Variants in UTRN observed in about 807,000 individuals in gnomAD.
UTRN encodes the protein dystrophin-related protein 1.
In UTRN, 283 loss-of-function variants were observed where a neutral mutation model predicts 463.9. The ratio of observed to expected loss-of-function variants is 0.61; its 90% CI spans 0.55 to 0.67. The LOEUF is 0.67. Ranked by LOEUF, UTRN falls within the 30% of genes least tolerant of loss-of-function variation. The probability of loss-of-function intolerance (pLI) is 0.00; values close to 1 mark genes in which losing one functional copy is unlikely to be tolerated. For missense variants in UTRN, 3,922 were observed against 4,084.3 expected, an observed-to-expected ratio of 0.96 and a Z score of 1.08; for synonymous variants, 1,442 against 1,431.5, an observed-to-expected ratio of 1.01 and a Z score of -0.17.
chr6:144,434,668 A>G (rs1217098913), intron 9 of UTRN, among the ~76,000 whole-genome samples: 1 of 152,208 alleles, frequency 6.6e-6, no homozygotes, highest in East Asian at 1.9e-4. Flanking sequence ...ATAGGAGTAG[A>G]TGAGATTACT....
chr6:144,358,882 T>C (rs1223027675), intron 2 of UTRN, among the ~76,000 whole-genome samples: 1 of 152,232 alleles, frequency 6.6e-6, no homozygotes, highest in Non-Finnish European at 1.5e-5. Flanking sequence ...TATTTTCCCA[T>C]CTAGTCTTTA....
intron 58 of UTRN, among the ~76,000 whole-genome samples, chr6:144,765,230 C>A (rs1793161442): frequency 6.6e-6 from 1 of 152,204 alleles, no homozygotes; most frequent in African/African-American, 2.4e-5. Context: ...ATCATTAATT[C>A]TACTACTTTA....
chr6:144,645,844 G>A (rs533586788), intron 51 of UTRN, among the ~76,000 whole-genome samples: 13 of 152,152 alleles, frequency 8.5e-5, no homozygotes, highest in Non-Finnish European at 1.8e-4. Flanking sequence ...TTGGCTGCTT[G>A]TAATGGGAGT....
chr6:144,507,030 T>C (rs1562500046), intron 34 of UTRN, among the ~76,000 whole-genome samples: 1 of 152,072 alleles, frequency 6.6e-6, no homozygotes, highest in Non-Finnish European at 1.5e-5. Flanking sequence ...CAATCTCTGA[T>C]ATGCTTTCTT....
At chr6:144,583,335 C>T in intron 51 of UTRN, 1 of 442,558 alleles carries the variant, frequency 2.3e-6, no homozygotes. Flanking sequence ...TACCAGCCTC[C>T]TTTTTCCTAG....
chr6:144,658,043 CTTCACCACAG>C (rs1779507720), intron 51 of UTRN, among the ~76,000 whole-genome samples: 1 of 152,160 alleles, frequency 6.6e-6, no homozygotes, highest in Admixed American at 6.5e-5. Flanking sequence ...CTGTAAGTTT[CTTCACCACAG>C]TTCTGATGGT....
intron 65 of UTRN, among the ~76,000 whole-genome samples, chr6:144,808,304 T>C (rs1778323666): frequency 6.6e-6 from 1 of 152,040 alleles, no homozygotes; most frequent in Non-Finnish European, 1.5e-5. Flanking sequence ...TATCCATGCA[T>C]TAAACCTTTG....
chr6:144,337,862 G>A (rs1340065259), intron 2 of UTRN, among the ~76,000 whole-genome samples: 1 of 152,152 alleles, frequency 6.6e-6, no homozygotes, highest in African/African-American at 2.4e-5. Flanking sequence ...TGATCCACCC[G>A]CCTCAGCTTC....
rs140489242 is a variant in UTRN, at chr6:144,521,253, T to G, written c.5542-727T>G. Among the ~76,000 whole-genome samples, 1,408 of 151,828 alleles carry G rather than the reference T, an allele frequency of 9.3e-3. 11 individuals are homozygous for G. The highest frequency in any genetic ancestry group is 0.048 in the Middle Eastern group (14 of 294). Reference sequence around the variant, plus strand: ...GTGAGCCGAGATCACAGCACTGCACTCCAGCCTGGGAGGCAGAGCAACACT... The same window carrying G: ...GTGAGCCGAGATCACAGCACTGCACGCCAGCCTGGGAGGCAGAGCAACACT... On this transcript the variant is annotated intron_variant, in intron 39 of 74. Coordinates refer to ENST00000367545, the MANE Select transcript of UTRN (RefSeq NM_007124.3).
At chr6:144,725,392 G>A (rs2128711498) in intron 53 of UTRN, among the ~76,000 whole-genome samples, 1 of 152,274 alleles carries the variant, frequency 6.6e-6, no homozygotes, top group Admixed American at 6.5e-5. Flanking sequence ...ACTAATACAG[G>A]TTGCAATTTT....
At chr6:144,293,578 AG>A (rs1384301317) in intron 2 of UTRN, among the ~76,000 whole-genome samples, 1 of 152,156 alleles carries the variant, frequency 6.6e-6, no homozygotes, top group African/African-American at 2.4e-5. Context: ...GGTACACTCA[AG>A]AAATTGATCA....
At chr6:144,433,219 T>C (rs1215902120) in intron 9 of UTRN, among the ~76,000 whole-genome samples, 1 of 151,212 alleles carries the variant, frequency 6.6e-6, no homozygotes, top group Non-Finnish European at 1.5e-5. Flanking sequence ...CCAGACGGGG[T>C]GGTGGCCGGG....
chr6:144,677,994 A>G (rs1781818772), intron 51 of UTRN, among the ~76,000 whole-genome samples: 2 of 152,110 alleles, frequency 1.3e-5, no homozygotes, highest in African/African-American at 4.8e-5. Flanking sequence ...GATTCTGGAT[A>G]TTAGCTCTTT....
chr6:144,623,909 A>G (rs545949701), intron 51 of UTRN, among the ~76,000 whole-genome samples: 8 of 152,302 alleles, frequency 5.3e-5, no homozygotes, highest in South Asian at 2.1e-4. Flanking sequence ...AGATAAAACT[A>G]TATCTCTGGG....
At chr6:144,332,393 G>A (rs1182253234) in intron 2 of UTRN, among the ~76,000 whole-genome samples, 1 of 152,178 alleles carries the variant, frequency 6.6e-6, no homozygotes, top group African/African-American at 2.4e-5. Flanking sequence ...AAAAGGCGGA[G>A]TCACTTAAAA....
At chr6:144,453,989 T>C in intron 19 of UTRN, 120 bp downstream of exon 19, 1 of 759,076 alleles carries the variant, frequency 1.3e-6, no homozygotes, top group Non-Finnish European at 2.0e-6. Flanking sequence ...AGATAAATGG[T>C]TTTCAAAAAT....
At position 144,469,312 on chromosome 6, in the gene UTRN, A is replaced by G. The variant is rs577730452; in HGVS notation, c.3067-4408A>G. The stretch of plus-strand genomic sequence containing the variant: ...ATGTGGTAACTCTTTTATGGTCTCA[A>G]TCTTGGTCATAATAAAGCAGTTGGT... On this transcript the variant is annotated intron_variant, in intron 23 of 74. Transcript: ENST00000367545. Among the ~76,000 whole-genome samples, 3 of 152,314 alleles carry G rather than the reference A, an allele frequency of 2.0e-5. No individual in the cohort carries two copies. In the East Asian group the frequency reaches 5.8e-4, roughly 29 times the overall value.
chr6:144,847,309 A>G (rs1782105644), intron 74 of UTRN, among the ~76,000 whole-genome samples: 3 of 152,206 alleles, frequency 2.0e-5, no homozygotes, highest in South Asian at 4.1e-4. Context: ...CAAAAAGTGT[A>G]TGAGACAGGT....
At chr6:144,670,813 T>G (rs1285882582) in intron 51 of UTRN, among the ~76,000 whole-genome samples, 3 of 152,196 alleles carry the variant, frequency 2.0e-5, no homozygotes, top group Non-Finnish European at 2.9e-5. Flanking sequence ...GATTTTTGTA[T>G]AAGGTGAGAG....
Sources: gnomAD v4.1 joint callset for allele counts (sites outside exome capture counted in the v4.1 genomes callset) on GRCh38, gnomAD v4.1.1 for gene constraint, MANE v1.5 for transcripts, NCBI Gene and HGNC (gene_info 2026-07-23, HGNC 2026-07-21) for gene names.